Variants in NAV1 observed in about 807,000 individuals in gnomAD.
NAV1 encodes pore membrane and/or filament interacting like protein 3.
A neutral mutation model predicts 175.2 loss-of-function variants in NAV1; 18 were observed. The observed-to-expected ratio is 0.10, with a 90% CI of 0.07 to 0.15. NAV1 has a LOEUF of 0.15. NAV1 is among the 10% of genes least tolerant of loss of function. The probability of loss-of-function intolerance (pLI) is 1.00; values close to 1 mark genes in which losing one functional copy is unlikely to be tolerated. For missense variants in NAV1, 1,731 were observed against 2,436.6 expected (o/e 0.71, Z 6.10); for synonymous variants, 897 against 978.7 (o/e 0.92, Z 1.56).
intron 3 of NAV1, among the ~76,000 whole-genome samples, chr1:201,762,588 T>A (rs763309866): frequency 6.6e-6 from 1 of 152,266 alleles, no homozygotes; most frequent in Non-Finnish European, 1.5e-5. Flanking sequence ...GTTTACATAC[T>A]ATCTATGGCT....
chr1:201,657,760 A>C (rs1034393161), intron 1 of NAV1, among the ~76,000 whole-genome samples: 3 of 152,194 alleles, frequency 2.0e-5, no homozygotes, highest in African/African-American at 7.2e-5. Context: ...GGCCAGGGAA[A>C]GTGGTTCACA....
intron 15 of NAV1, among the ~76,000 whole-genome samples, chr1:201,802,198 G>A (rs12119128): frequency 0.19 from 26,462 of 137,078 alleles, 3,420 homozygotes; most frequent in Non-Finnish European, 0.27. Context: ...TCAGCTACTC[G>A]AGAAGCTGAG....
chr1:201,685,718 A>G (rs1670660136), intron 1 of NAV1, among the ~76,000 whole-genome samples: 1 of 152,214 alleles, frequency 6.6e-6, no homozygotes, highest in South Asian at 2.1e-4. Context: ...CCAAGTCCAC[A>G]AGACTTGAAA....
At chr1:201,566,032 T>C (rs1666345642) in intron 1 of NAV1, among the ~76,000 whole-genome samples, 2 of 152,132 alleles carry the variant, frequency 1.3e-5, no homozygotes, top group Non-Finnish European at 2.9e-5. Flanking sequence ...TCCTGGCTGC[T>C]CCTCCTTCCC....
intron 3 of NAV1, among the ~76,000 whole-genome samples, chr1:201,742,460 T>C (rs1558117395): frequency 6.6e-6 from 1 of 152,172 alleles, no homozygotes; most frequent in Admixed American, 6.5e-5. Flanking sequence ...CTTCCATCTA[T>C]CATGGAAGCC....
intron 3 of NAV1, among the ~76,000 whole-genome samples, chr1:201,743,657 T>C (rs1395135302): frequency 6.6e-6 from 1 of 152,070 alleles, no homozygotes; most frequent in East Asian, 1.9e-4. Context: ...ATTTTTTTTT[T>C]AGCATCTTTT....
intron 1 of NAV1, among the ~76,000 whole-genome samples, chr1:201,702,682 C>CTT (rs1558080618): frequency 3.9e-5 from 3 of 76,174 alleles, no homozygotes; most frequent in African/African-American, 1.1e-4. Context: ...TTCTCTCTCT[C>CTT]TCTCTCTCTC....
intron 1 of NAV1, among the ~76,000 whole-genome samples, chr1:201,583,438 G>A (rs981902731): frequency 9.2e-5 from 14 of 152,194 alleles, no homozygotes; most frequent in African/African-American, 3.4e-4. Flanking sequence ...CTGCTAAGGG[G>A]CTCTTTCTCA....
At chr1:201,783,010 C>G (rs1571488553) in intron 6 of NAV1, 141 bp downstream of exon 10, 5 of 700,498 alleles carry the variant, frequency 7.1e-6, no homozygotes, top group South Asian at 2.1e-5. Flanking sequence ...ACCTCTCCCC[C>G]ATATGCCAAG....
chr1:201,684,974 A>G (rs1216180751), intron 1 of NAV1, among the ~76,000 whole-genome samples: 5 of 151,184 alleles, frequency 3.3e-5, no homozygotes, highest in African/African-American at 1.2e-4. Context: ...AAAAAAAAAA[A>G]AAACCCACAA....
chr1:201,590,813 G>A (rs1667167716), intron 2 of NAV1, among the ~76,000 whole-genome samples: 1 of 152,234 alleles, frequency 6.6e-6, no homozygotes, highest in African/African-American at 2.4e-5. Flanking sequence ...AGGAGTGGCT[G>A]TGTGGAATGG....
chr1:201,658,980 C>T (rs1386614087), intron 1 of NAV1, among the ~76,000 whole-genome samples: 2 of 152,222 alleles, frequency 1.3e-5, no homozygotes, highest in Non-Finnish European at 2.9e-5. Flanking sequence ...CAGGCTGTTC[C>T]AGTTGCCATG....
chr1:201,822,620 A>G (rs2102850654), exon 30 of NAV1: 1 of 152,634 alleles, frequency 6.6e-6, no homozygotes, highest in African/African-American at 2.4e-5. Flanking sequence ...TCATGCTATG[A>G]CTTTTTATTT....
At position 201,813,170 on chromosome 1, in the gene NAV1, G is replaced by A. The variant is rs1215851508; in HGVS notation, c.5252G>A (p.Gly1751Asp). ...TGCTTCTTTCTGTCGTGTCCCATTG[G>A]CATTGAGGACTTCCGGACCTGGTTC... The change falls in exon 28 of 30, where the codon GGC (glycine) becomes GAC (aspartate). Residue 1751 changes from glycine (G) to aspartate (D), a missense_variant. Coordinates refer to ENST00000367296, the Ensembl canonical transcript of NAV1. This position sits in a 1 kb window ranked among gnomAD's most constrained non-coding sequence, Gnocchi z 4.2. 6.2e-7 allele frequency: 1 copy of A among 1,614,002 alleles called. No individual in the cohort carries two copies. Among genetic ancestry groups the A allele is most frequent in the Admixed American group, 1.7e-5 (1 of 60,004 alleles).
chr1:201,732,354 AT>A (rs972219845), intron 3 of NAV1, among the ~76,000 whole-genome samples: 60 of 151,990 alleles, frequency 3.9e-4, no homozygotes, highest in Admixed American at 2.1e-3. Flanking sequence ...ATTTTTTTTA[AT>A]TTTGGTAGAG....
intron 17 of NAV1, among the ~76,000 whole-genome samples, chr1:201,804,782 G>A (rs1440352145): frequency 6.6e-6 from 1 of 151,986 alleles, no homozygotes; most frequent in African/African-American, 2.4e-5. Context: ...TTACAAAATT[G>A]GCCTGTTATA....
chr1:201,601,398 G>T (rs181379506), intron 2 of NAV1, among the ~76,000 whole-genome samples: 1 of 152,168 alleles, frequency 6.6e-6, no homozygotes, highest in Non-Finnish European at 1.5e-5. Context: ...TGGGAGGATC[G>T]CTTGAGCCTG....
intron 2 of NAV1, among the ~76,000 whole-genome samples, chr1:201,602,763 T>C (rs1048379555): frequency 6.6e-6 from 1 of 150,822 alleles, no homozygotes; most frequent in Non-Finnish European, 1.5e-5. Context: ...GGCTGGGGCA[T>C]GCTCCAGGGG....
chr1:201,748,640 G>A (rs764727038), intron 3 of NAV1, among the ~76,000 whole-genome samples: 2 of 152,174 alleles, frequency 1.3e-5, no homozygotes, highest in Non-Finnish European at 2.9e-5. Flanking sequence ...CTAATTCTGG[G>A]AATTTGCACA....
Sources: allele counts gnomAD v4.1 joint callset (sites outside exome capture counted in the v4.1 genomes callset), GRCh38; gene constraint gnomAD v4.1.1; non-coding constraint Gnocchi (gnomAD v3.1); transcripts MANE v1.5; gene names NCBI Gene and HGNC (gene_info 2026-07-23, HGNC 2026-07-21).